MED12L: variants seen among roughly 807,000 people sequenced by gnomAD.
MED12L encodes mediator of RNA polymerase II transcription subunit 12-like protein.
In MED12L, 60 loss-of-function variants were observed where a neutral mutation model predicts 281.3. The ratio of observed to expected loss-of-function variants is 0.21; its 90% CI spans 0.17 to 0.26. The LOEUF is 0.26. MED12L is among the 10% of genes least tolerant of loss of function. The pLI is 1.00. For synonymous variants in MED12L, 974 were observed against 987.2 expected, an observed-to-expected ratio of 0.99 and a Z score of 0.25; for missense variants, 2,146 against 2,680.9, an observed-to-expected ratio of 0.80 and a Z score of 4.41.
intron 11 of MED12L, among the ~76,000 whole-genome samples, chr3:151,175,687 A>C (rs1721958535): frequency 6.6e-6 from 1 of 152,182 alleles, no homozygotes; most frequent in African/African-American, 2.4e-5. Context: ...AGGTTATTGA[A>C]TTGCTGAATA....
intron 5 of MED12L, among the ~76,000 whole-genome samples, chr3:151,152,097 T>C: frequency 8.2e-6 from 1 of 121,814 alleles, no homozygotes; most frequent in Admixed American, 7.9e-5. Context: ...TTTTTTTTTT[T>C]TTTTTTTTTT....
intron 16 of MED12L, among the ~76,000 whole-genome samples, chr3:151,242,413 G>A (rs1421633222): frequency 8.5e-5 from 13 of 152,188 alleles, no homozygotes; most frequent in South Asian, 2.1e-4. Context: ...CTCCCAGCAC[G>A]CAGCTGGAGA....
intron 5 of MED12L, among the ~76,000 whole-genome samples, chr3:151,133,332 CAG>C (rs1018713531): frequency 1.2e-4 from 19 of 152,288 alleles, no homozygotes; most frequent in African/African-American, 4.3e-4. Flanking sequence ...TGTCGTTATG[CAG>C]AGAGTTACAG....
chr3:151,403,067 C>T (rs1488719602), intron 39 of MED12L, among the ~76,000 whole-genome samples: 1 of 150,760 alleles, frequency 6.6e-6, no homozygotes, highest in Non-Finnish European at 1.5e-5. Flanking sequence ...GCCCTTTGAA[C>T]GTCAAAATGA....
intron 31 of MED12L, among the ~76,000 whole-genome samples, chr3:151,379,072 T>A (rs919950653): frequency 4.6e-5 from 7 of 152,256 alleles, no homozygotes; most frequent in African/African-American, 1.7e-4. Flanking sequence ...TCTGAGCTTG[T>A]GCTCTTAACT....
At chr3:151,348,801 A>C (rs571722935) in intron 16 of MED12L, among the ~76,000 whole-genome samples, 2 of 152,368 alleles carry the variant, frequency 1.3e-5, no homozygotes, top group East Asian at 3.9e-4. Context: ...ACAGGCGCTT[A>C]GTTTAACGCT....
chr3:151,094,178 CAGA>C (rs1228162828), intron 2 of MED12L, among the ~76,000 whole-genome samples: 3 of 152,178 alleles, frequency 2.0e-5, no homozygotes, highest in Non-Finnish European at 4.4e-5. Context: ...AAAAGAAAAG[CAGA>C]AGTAGAAGCA....
chr3:151,374,814 T>G (rs947138820), intron 27 of MED12L, among the ~76,000 whole-genome samples: 3 of 152,166 alleles, frequency 2.0e-5, no homozygotes, highest in African/African-American at 7.2e-5. Flanking sequence ...AAAGTGAAAC[T>G]ATACAAAAAA....
intron 3 of MED12L, among the ~76,000 whole-genome samples, chr3:151,121,452 A>G (rs1017059643): frequency 8.5e-5 from 13 of 152,236 alleles, no homozygotes; most frequent in African/African-American, 3.1e-4. Context: ...GAATTTGGCT[A>G]ATGGCTTACA....
At chr3:151,174,236 T>A (rs1304305785) in intron 11 of MED12L, among the ~76,000 whole-genome samples, 1 of 152,330 alleles carries the variant, frequency 6.6e-6, no homozygotes, top group East Asian at 1.9e-4. Context: ...ATTTTAAATA[T>A]GAGAGACATG....
intron 16 of MED12L, among the ~76,000 whole-genome samples, chr3:151,274,438 T>C (rs1375902768): frequency 6.6e-6 from 1 of 152,184 alleles, no homozygotes; most frequent in African/African-American, 2.4e-5. Context: ...GGCATATTTA[T>C]AGTGGGGAAA....
intron 1 of MED12L, 176 bp from the exon 2 acceptor site, chr3:151,086,622 G>C (rs978099853): frequency 3.8e-6 from 1 of 264,668 alleles, no homozygotes; most frequent in African/African-American, 2.2e-5. Context: ...GGGAGCAGAG[G>C]AGGCAGGCGC....
intron 16 of MED12L, among the ~76,000 whole-genome samples, chr3:151,336,340 T>G (rs1049359273): frequency 6.6e-6 from 1 of 152,192 alleles, no homozygotes; most frequent in Non-Finnish European, 1.5e-5. Context: ...GAAAGAAATG[T>G]GGCTGGTTGG....
At chr3:151,402,991 C>T (rs1280416585) in intron 39 of MED12L, among the ~76,000 whole-genome samples, 1 of 151,810 alleles carries the variant, frequency 6.6e-6, no homozygotes, top group African/African-American at 2.4e-5. Flanking sequence ...AACACCCCTG[C>T]TGTCATTCCT....
intron 43 of MED12L, 128 bp downstream of exon 43, chr3:151,416,550 TTTA>T: frequency 1.2e-6 from 1 of 830,948 alleles, no homozygotes. Context: ...TTCCTAGAAC[TTTA>T]CTAGAGTTTT....
chr3:151,384,388 A>G (rs1327475560), intron 35 of MED12L, among the ~76,000 whole-genome samples, 170 bp downstream of exon 35: 1 of 152,256 alleles, frequency 6.6e-6, no homozygotes, highest in Non-Finnish European at 1.5e-5. Context: ...AGTTACATGC[A>G]CATAACCTTG....
intron 16 of MED12L, among the ~76,000 whole-genome samples, chr3:151,235,198 A>G (rs1732483849): frequency 6.6e-6 from 1 of 152,202 alleles, no homozygotes; most frequent in African/African-American, 2.4e-5. Context: ...CTTTTTGGTC[A>G]TCTAATGCCT....
chr3:151,368,662 T>TTCATGTCATG (rs796882035), intron 25 of MED12L, among the ~76,000 whole-genome samples: 6 of 52,414 alleles, frequency 1.1e-4, no homozygotes, highest in Admixed American at 7.6e-4. Context: ...TTCATTTCAT[T>TTCATGTCATG]TCATTTCATT....
At chr3:151,248,143 T>C (rs1289553456) in intron 16 of MED12L, among the ~76,000 whole-genome samples, 1 of 151,998 alleles carries the variant, frequency 6.6e-6, no homozygotes, top group East Asian at 1.9e-4. Context: ...AAAAATGCTA[T>C]GAATGTTTGT....
Sources: allele counts gnomAD v4.1 joint callset (sites outside exome capture counted in the v4.1 genomes callset), GRCh38; gene constraint gnomAD v4.1.1; transcripts MANE v1.5; gene names NCBI Gene and HGNC (gene_info 2026-07-23, HGNC 2026-07-21).